Variants in CDK2 observed in about 807,000 individuals in gnomAD.
CDK2 encodes cyclin-dependent kinase 2.
Under a neutral mutation model 35.0 loss-of-function variants are expected in CDK2, and 8 were observed. The ratio of observed to expected loss-of-function variants is 0.23; its 90% CI spans 0.13 to 0.41. CDK2 has a LOEUF of 0.41. CDK2 is among the 10% of genes least tolerant of loss of function. CDK2 has a pLI of 1.00. For synonymous variants in CDK2, 134 were observed against 137.7 expected, an observed-to-expected ratio of 0.97 and a Z score of 0.19; for missense variants, 201 against 367.1, an observed-to-expected ratio of 0.55 and a Z score of 3.70.
intron 4 of CDK2, among the ~76,000 whole-genome samples, chr12:55,969,260 A>G (rs1261770465): frequency 6.6e-6 from 1 of 152,116 alleles, no homozygotes; most frequent in African/African-American, 2.4e-5. Flanking sequence ...AAATAAAATT[A>G]TGACCAATTT....
chr12:55,969,807 G>C (rs1023858854), intron 5 of CDK2: 8 of 355,812 alleles, frequency 2.2e-5, no homozygotes, highest in Admixed American at 1.4e-4. Flanking sequence ...TCTTATCCCT[G>C]AAATAAGTTA....
At chr12:55,967,203 C>A in intron 1 of CDK2, 79 bp downstream of exon 1, 1 of 1,048,874 alleles carries the variant, frequency 9.5e-7, no homozygotes, top group Non-Finnish European at 1.4e-6. Context: ...GGCGGGTAGC[C>A]GTCCAGGGAC....
chr12:55,971,851 AC>A lies in CDK2; in HGVS notation c.*229del. 1 of 498,566 alleles carries A rather than the reference AC, an allele frequency of 2.0e-6. No homozygotes were observed. The highest frequency in any genetic ancestry group is 3.5e-6 in the Non-Finnish European group (1 of 282,472). 30.9% of individuals were successfully genotyped at this position (498,566 alleles called of 1,614,324 possible). On this transcript the variant is annotated 3_prime_UTR_variant, in exon 7 of 7. Coordinates refer to ENST00000266970, the MANE Select transcript of CDK2 (RefSeq NM_001798.5). ...AGATGCACTTAAGTTAGCCTCCACCACCCTTTCCCCCTTCTCTTAGTTATTG... is the reference window on the plus strand; with the variant it reads ...AGATGCACTTAAGTTAGCCTCCACCACCTTTCCCCCTTCTCTTAGTTATTG...
intron 5 of CDK2, chr12:55,970,451 A>G (rs1016640452): frequency 1.0e-5 from 6 of 592,178 alleles, no homozygotes; most frequent in Middle Eastern, 4.4e-4. Context: ...CAAATCAGCA[A>G]TATGTTTTAT....
chr12:55,968,546 A>C (rs965195656), intron 3 of CDK2, among the ~76,000 whole-genome samples: 1 of 152,244 alleles, frequency 6.6e-6, no homozygotes, highest in Non-Finnish European at 1.5e-5. Context: ...AGCTACTTTC[A>C]ATCTATTAAC....
At chr12:55,967,990 A>G in intron 2 of CDK2, 56 bp downstream of exon 2, 1 of 1,613,700 alleles carries the variant, frequency 6.2e-7, no homozygotes, top group Non-Finnish European at 8.5e-7. Flanking sequence ...TTCTGTCTGT[A>G]CAGTGTGGGC....
chr12:55,968,260 CCTT>C (rs1889387187), intron 3 of CDK2, 91 bp downstream of exon 3: 2 of 1,360,414 alleles, frequency 1.5e-6, no homozygotes, highest in Non-Finnish European at 2.1e-6. Context: ...ATTTTGGCCT[CCTT>C]CTGAGCCCTC....
chr12:55,970,424 G>A (rs1889443197), intron 5 of CDK2, among the ~76,000 whole-genome samples: 3 of 141,394 alleles, frequency 2.1e-5, no homozygotes, highest in Admixed American at 2.0e-4. Context: ...CAGTACAGTG[G>A]TGCAGTAGGC....
rs780775267 is a variant in CDK2 at position 55,966,980 on chromosome 12, G to T, written c.-29G>T. On this transcript the variant is annotated 5_prime_UTR_variant, in exon 1 of 7. Transcript: ENST00000266970. ...AGGGTTCCCAGGCCCCCGCTCCAGG[G>T]CCGGGCTGACCCGACTCGCTGGCGC... 14 of 1,567,284 alleles carry T rather than the reference G, an allele frequency of 8.9e-6. No individual in the cohort carries two copies. The highest frequency in any genetic ancestry group is 1.4e-5 in the African/African-American group (1 of 74,020).
In CDK2 at chr12:55,967,442, T is replaced by C. The variant is rs1889354723; in HGVS notation, c.116+318T>C. On this transcript the variant is annotated intron_variant, in intron 1 of 6. Coordinates refer to ENST00000266970, the MANE Select transcript of CDK2 (RefSeq NM_001798.5). ...GTCCAAGACTCTCCATGGAGTGGAG[T>C]TATGTGGGAACCGGCGAGAATCGCC... is the stretch of plus-strand genomic sequence containing the variant. The C allele has an allele frequency of 1.2e-5, 5 of 433,988 alleles. No individual in the cohort carries two copies. The East Asian group carries it at 2.1e-4, about 18-fold the overall frequency. 26.9% of individuals were successfully genotyped at this position (433,988 alleles called of 1,614,324 possible).
chr12:55,967,648 C>T (rs1228886944), intron 1 of CDK2: 1 of 572,584 alleles, frequency 1.7e-6, no homozygotes, highest in South Asian at 2.1e-5. Context: ...ACTTACCTAC[C>T]CCTGGGAAAA....
In CDK2 at chr12:55,971,583, C is replaced by A; in HGVS notation, c.855C>A (p.Phe285Leu). Residue 285 changes from phenylalanine (F) to leucine (L), a missense_variant, in exon 7 of 7, where the codon TTC (phenylalanine) becomes TTA (leucine). By Grantham distance (22) the Phe-to-Leu change is conservative (BLOSUM62 0). Transcript: ENST00000266970. ...CCAAGGCAGCCCTGGCTCACCCTTT[C>A]TTCCAGGATGTGACCAAGCCAGTAC... The part of the protein sequence containing the change: ...ISAKAALAHP[F>L]FQDVTKPVPH... 6.2e-7 allele frequency: 1 copy of A among 1,614,216 alleles called. No individual in the cohort carries two copies. The highest frequency in any genetic ancestry group is 8.5e-7 in the Non-Finnish European group (1 of 1,180,016).
chr12:55,971,592 T>C lies in CDK2; in HGVS notation c.864T>C (p.Asp288=), dbSNP rs1006815089. 1 of 1,614,138 alleles carries C rather than the reference T, an allele frequency of 6.2e-7. No homozygotes were observed. Among genetic ancestry groups the C allele is most frequent in the East Asian group, 2.2e-5 (1 of 44,884 alleles). Residue 288 remains aspartate, a synonymous_variant, in exon 7 of 7, where the codon GAT becomes GAC. Coordinates refer to ENST00000266970, the MANE Select transcript of CDK2 (RefSeq NM_001798.5). ...CCCTGGCTCACCCTTTCTTCCAGGA[T>C]GTGACCAAGCCAGTACCCCATCTTC... ...KAALAHPFFQ[D]VTKPVPHLRL is the part of the protein sequence containing the mutation.
In CDK2 at chr12:55,971,763, C is replaced by T. The variant is rs1889482950; in HGVS notation, c.*138C>T. 4.8e-6 allele frequency: 3 copies of T among 629,628 alleles called. No homozygotes were observed. The highest frequency in any genetic ancestry group is 8.5e-6 in the Non-Finnish European group (3 of 354,248). 39.0% of individuals were successfully genotyped at this position (629,628 alleles called of 1,614,324 possible). ...CACTCACCTTCTAGTCTTGGCCAGC[C>T]AACTCTGGGAATACAGGGGTGAAAG... On this transcript the variant is annotated 3_prime_UTR_variant, in exon 7 of 7. Coordinates refer to ENST00000266970, the MANE Select transcript of CDK2 (RefSeq NM_001798.5).
chr12:55,967,619 A>G (rs1483505861), intron 1 of CDK2: 1 of 552,416 alleles, frequency 1.8e-6, no homozygotes, highest in East Asian at 3.0e-5. Flanking sequence ...TCCCTGCTTC[A>G]CCTTCACCAG....
intron 5 of CDK2, 166 bp downstream of exon 5, chr12:55,969,742 A>AT (rs753193548): frequency 2.2e-6 from 1 of 463,674 alleles, no homozygotes; most frequent in Non-Finnish European, 3.9e-6. Flanking sequence ...TGTTGCCCTG[A>AT]TATCAACCAC....
intron 3 of CDK2, among the ~76,000 whole-genome samples, 187 bp from the exon 4 acceptor site, chr12:55,968,591 G>A (rs1373690760): frequency 6.6e-6 from 1 of 152,090 alleles, no homozygotes; most frequent in African/African-American, 2.4e-5. Flanking sequence ...GTAGAAAAGG[G>A]ATGGAAAATT....
At chr12:55,971,345 T>C in intron 6 of CDK2, 98 bp downstream of exon 6, 2 of 1,270,764 alleles carry the variant, frequency 1.6e-6, no homozygotes, top group Non-Finnish European at 2.3e-6. Context: ...GGCCTCAGTG[T>C]TTCATTTCCC....
chr12:55,968,696 T>C (rs563946334), intron 3 of CDK2, 82 bp from the exon 4 acceptor site: 4 of 1,027,414 alleles, frequency 3.9e-6, no homozygotes, highest in Non-Finnish European at 5.6e-6. Flanking sequence ...ATAAAGGCTT[T>C]AGTAGAGTTT....
Sources: gnomAD v4.1 joint callset for allele counts (sites outside exome capture counted in the v4.1 genomes callset) on GRCh38, gnomAD v4.1.1 for gene constraint, MANE v1.5 for transcripts, NCBI Gene and HGNC (gene_info 2026-07-23, HGNC 2026-07-21) for gene names.